The following RAB11FIP1 variants were observed in gnomAD, a reference collection of about 807,000 sequenced individuals.
The protein encoded by RAB11FIP1 is rab11 family-interacting protein 1.
Under a neutral mutation model 83.1 loss-of-function variants are expected in RAB11FIP1, and 49 were observed. That is an observed-to-expected ratio of 0.59 (90% CI 0.47 to 0.75). RAB11FIP1 has a LOEUF of 0.75. Among genes scored for constraint, RAB11FIP1 ranks in the 30% least tolerant of loss-of-function variants. RAB11FIP1 has a pLI of 0.00. For missense variants in RAB11FIP1, 1,536 were observed against 1,598.7 expected, an observed-to-expected ratio of 0.96 and a Z score of 0.67; for synonymous variants, 670 against 656.0, an observed-to-expected ratio of 1.02 and a Z score of -0.33.
At chr8:37,893,647 C>T (rs903097388) in intron 1 of RAB11FIP1, among the ~76,000 whole-genome samples, 2 of 151,842 alleles carry the variant, frequency 1.3e-5, no homozygotes, top group Admixed American at 6.6e-5. Flanking sequence ...TAAATTAGCT[C>T]GGTATGGTGG....
At chr8:37,887,728 T>C (rs1475776873) in intron 1 of RAB11FIP1, among the ~76,000 whole-genome samples, 1 of 152,200 alleles carries the variant, frequency 6.6e-6, no homozygotes, top group Non-Finnish European at 1.5e-5. Flanking sequence ...CTCATAAGAA[T>C]GTTAGGAAGA....
intron 1 of RAB11FIP1, among the ~76,000 whole-genome samples, chr8:37,880,690 A>C (rs1022440830): frequency 1.3e-5 from 2 of 150,710 alleles, no homozygotes; most frequent in Non-Finnish European, 2.9e-5. Context: ...TGAACCCAGG[A>C]GTTCAAGGCT....
rs1417387227 is a variant in RAB11FIP1 at position 37,874,734 on chromosome 8, A to T, written c.1403T>A (p.Met468Lys). 1.2e-6 allele frequency: 2 copies of T among 1,614,064 alleles called. No individual in the cohort carries two copies. Among genetic ancestry groups the T allele is most frequent in the Non-Finnish European group, 1.7e-6 (2 of 1,179,996 alleles). ...VPGREKEGML[M>K]GVKPGEDASG... ...TGCGTCCTCCCCCGGCTTAACCCCC[A>T]TCAGCATGCCTTCCTTCTCCCTCCC... The change falls in exon 3 of 6, where the codon ATG becomes AAG. Residue 468 changes from methionine to lysine, a missense_variant. Physicochemically the swap from Met to Lys is moderately conservative, Grantham distance 95 (BLOSUM62 -1). Coordinates refer to ENST00000330843, the MANE Select transcript of RAB11FIP1 (RefSeq NM_001002814.3).
At chr8:37,871,162 G>C in intron 4 of RAB11FIP1, 116 bp downstream of exon 4, 1 of 1,381,816 alleles carries the variant, frequency 7.2e-7, no homozygotes, top group Non-Finnish European at 9.7e-7. Flanking sequence ...GCAGGACAGT[G>C]ACAGGTGGGT....
At position 37,875,230 on chromosome 8, in the gene RAB11FIP1, C is replaced by A; in HGVS notation, c.907G>T (p.Gly303Cys). 1 of 1,614,082 alleles carries A rather than the reference C, an allele frequency of 6.2e-7. No individual in the cohort carries two copies. The highest frequency in any genetic ancestry group is 1.1e-5 in the South Asian group (1 of 91,056). Reference protein sequence around the residue: ...LPKKEGLSFLGGLRSKNDVLS... With the variant: ...LPKKEGLSFLCGLRSKNDVLS... ...ACATCATTCTTAGACCGAAGGCCACCAAGAAAGGAAAGTCCTTCCTTCTTG... is the reference window on the plus strand; with the variant it reads ...ACATCATTCTTAGACCGAAGGCCACAAAGAAAGGAAAGTCCTTCCTTCTTG... The change falls in exon 3 of 6, where the codon GGT becomes TGT. Residue 303 changes from glycine (G) to cysteine (C), a missense_variant. Transcript: ENST00000330843.
At chr8:37,874,308 C>T (rs1306197746) in intron 3 of RAB11FIP1, among the ~76,000 whole-genome samples, 1 of 152,232 alleles carries the variant, frequency 6.6e-6, no homozygotes, top group Non-Finnish European at 1.5e-5. Context: ...TGGGCAGTAG[C>T]TCTGAGCTGG....
chr8:37,897,989 A>C (rs1807126385), intron 1 of RAB11FIP1, among the ~76,000 whole-genome samples: 1 of 152,142 alleles, frequency 6.6e-6, no homozygotes, highest in South Asian at 2.1e-4. Flanking sequence ...AGCTGGTTTC[A>C]TGCCTCCTGT....
Position 37,899,267 on chromosome 8 carries a change from G to A in RAB11FIP1, c.175C>T (p.Arg59Cys). 6.2e-7 allele frequency: 1 copy of A among 1,606,414 alleles called. No individual in the cohort carries two copies. The highest frequency in any genetic ancestry group is 1.1e-5 in the South Asian group (1 of 90,698). The change falls in exon 1 of 6, where the codon CGC (arginine) becomes TGC (cysteine). Residue 59 changes from arginine to cysteine, a missense_variant. Transcript: ENST00000330843. This position sits in a 1 kb window ranked among gnomAD's most constrained non-coding sequence, Gnocchi z 4.5. ...CGCCACACGGGCGCGCCCAGGCTGCGCTCCGACACGGAGGTGGCGTACTTC... is the reference window on the plus strand; with the variant it reads ...CGCCACACGGGCGCGCCCAGGCTGCACTCCGACACGGAGGTGGCGTACTTC... ...KEKYATSVSE[R>C]SLGAPVWREE...
At chr8:37,888,637 C>T (rs1462997244) in intron 1 of RAB11FIP1, among the ~76,000 whole-genome samples, 1 of 151,954 alleles carries the variant, frequency 6.6e-6, no homozygotes, top group African/African-American at 2.4e-5. Flanking sequence ...CACCACCACA[C>T]TCTGCTAATG....
chr8:37,891,155 G>A (rs62505648), intron 1 of RAB11FIP1, among the ~76,000 whole-genome samples: 11 of 152,182 alleles, frequency 7.2e-5, no homozygotes, highest in Non-Finnish European at 1.3e-4. Flanking sequence ...AACCTCTCTC[G>A]TTGCCAATAC....
chr8:37,885,095 A>G (rs1806805459), intron 1 of RAB11FIP1, among the ~76,000 whole-genome samples: 1 of 151,750 alleles, frequency 6.6e-6, no homozygotes, highest in Non-Finnish European at 1.5e-5. Context: ...CCCAGATTCA[A>G]GCAATTCTCC....
Position 37,861,205 on chromosome 8 carries a change from C to T in RAB11FIP1, c.*1690G>A, listed in dbSNP as rs985313732. On this transcript the variant is annotated 3_prime_UTR_variant, in exon 6 of 6. Coordinates refer to ENST00000330843, the MANE Select transcript of RAB11FIP1 (RefSeq NM_001002814.3). ...TGCCCTAGTTAAAAAAAAAAAAAGT[C>T]TATAAATCTAGTTTTAAAAATACAA... The T allele has an allele frequency of 1.3e-5, 2 of 152,454 alleles. No homozygotes were observed. The highest frequency in any genetic ancestry group is 2.9e-5 in the Non-Finnish European group (2 of 68,564). 9.4% of individuals were successfully genotyped at this position (152,454 alleles called of 1,614,324 possible).
Position 37,861,830 on chromosome 8 carries a change from C to G in RAB11FIP1, c.*1065G>C, listed in dbSNP as rs1289782903. ...TCTCGAACTCCTGACCTCAAGTGAT[C>G]CACCCTCCTCGGCCTTGCAAAGTGC... On this transcript the variant is annotated 3_prime_UTR_variant, in exon 6 of 6. Coordinates refer to ENST00000330843, the MANE Select transcript of RAB11FIP1 (RefSeq NM_001002814.3). 1 of 313,970 alleles carries G rather than the reference C, an allele frequency of 3.2e-6. No individual in the cohort carries two copies. Among genetic ancestry groups the G allele is most frequent in the African/African-American group, 2.3e-5 (1 of 44,158 alleles). The allele number at this position is 313,970 out of a possible 1,614,324, so 19.4% of individuals were successfully genotyped here. A position where few individuals can be genotyped will look rare whatever the true frequency, so the allele number is the denominator to read the frequency against.
rs1806632830 is a variant in RAB11FIP1 at position 37,877,160 on chromosome 8, A to G, written c.763T>C (p.Ser255Pro). 15 of 1,614,008 alleles carry G rather than the reference A, an allele frequency of 9.3e-6. No individual in the cohort carries two copies. The East Asian group carries it at 3.3e-4, about 36-fold the overall frequency. Residue 255 changes from serine to proline, a missense_variant, in exon 2 of 6, where the codon TCC (serine) becomes CCC (proline). Physicochemically the swap from Ser to Pro is moderately conservative, Grantham distance 74. Transcript: ENST00000330843. ...TCATTGTCATCTTCATCCCACTGGG[A>G]CTGAAAGTCTCCGGGACGAAGCAGC... ...KVLLRPGDFQ[S>P]QWDEDDNEDE...
chr8:37,887,182 G>A (rs1382087613), intron 1 of RAB11FIP1, among the ~76,000 whole-genome samples: 1 of 152,108 alleles, frequency 6.6e-6, no homozygotes, highest in Non-Finnish European at 1.5e-5. Flanking sequence ...TCCCAAAACA[G>A]CCACTCCAGC....
chr8:37,895,218 A>AATAAAT (rs1381872486), intron 1 of RAB11FIP1, among the ~76,000 whole-genome samples: 4 of 13,706 alleles, frequency 2.9e-4, no homozygotes, highest in Middle Eastern at 0.071. Context: ...GGTGCCTGCC[A>AATAAAT]ATATATATAT....
At chr8:37,894,825 C>A (rs1383219505) in intron 1 of RAB11FIP1, among the ~76,000 whole-genome samples, 2 of 150,644 alleles carry the variant, frequency 1.3e-5, no homozygotes, top group Non-Finnish European at 2.9e-5. Context: ...TCTCAGCTCA[C>A]TGCAACCTCC....
rs1295159068 is a variant in RAB11FIP1 at position 37,869,246 on chromosome 8, AT to A, written c.3633+1173del. 1.9e-3 allele frequency among the ~76,000 whole-genome samples: 264 copies of A among 136,352 alleles called. 4 individuals carry two copies. Among genetic ancestry groups the A allele is most frequent in the African/African-American group, 6.8e-3 (245 of 35,942 alleles). 89.5% of individuals were successfully genotyped at this position (136,352 alleles called of 152,430 possible). ...CTGTATCAAAAAAAAAAAAAAAAAAATTCCTGATTTTGATGAATGTCCTTAC... is the reference window on the plus strand; with the variant it reads ...CTGTATCAAAAAAAAAAAAAAAAAAATCCTGATTTTGATGAATGTCCTTAC... On this transcript the variant is annotated intron_variant, in intron 5 of 5. Transcript: ENST00000330843.
chr8:37,869,872 T>C (rs1388541532), intron 5 of RAB11FIP1, among the ~76,000 whole-genome samples: 1 of 152,144 alleles, frequency 6.6e-6, no homozygotes. Flanking sequence ...TCCTGCAACT[T>C]TTTTTTAACA....
Sources: allele counts gnomAD v4.1 joint callset (sites outside exome capture counted in the v4.1 genomes callset), GRCh38; gene constraint gnomAD v4.1.1; non-coding constraint Gnocchi (gnomAD v3.1); transcripts MANE v1.5; gene names NCBI Gene and HGNC (gene_info 2026-07-23, HGNC 2026-07-21).